Variants in ZC2HC1A observed in about 807,000 individuals in gnomAD.
ZC2HC1A encodes the protein zinc finger C2HC-type containing 1A.
Under a neutral mutation model 40.7 loss-of-function variants are expected in ZC2HC1A, and 28 were observed. That is an observed-to-expected ratio of 0.69 (90% CI 0.51 to 0.94). The LOEUF is 0.94. Ranked by LOEUF, ZC2HC1A falls within the 40% of genes least tolerant of loss-of-function variation. The pLI is 0.00. For missense variants in ZC2HC1A, 389 were observed against 386.3 expected (o/e 1.01, Z -0.06); for synonymous variants, 129 against 129.2 (o/e 1.00, Z 0.01).
chr8:78,691,660 T>C (rs1361778715), intron 5 of ZC2HC1A, among the ~76,000 whole-genome samples: 1 of 152,172 alleles, frequency 6.6e-6, no homozygotes, highest in Non-Finnish European at 1.5e-5. Flanking sequence ...CTTTTCCCTT[T>C]TGTCTTCATA....
chr8:78,686,919 T>C (rs1809997828), intron 4 of ZC2HC1A, among the ~76,000 whole-genome samples: 1 of 152,180 alleles, frequency 6.6e-6, no homozygotes, highest in Non-Finnish European at 1.5e-5. Context: ...CCATGCTCAC[T>C]GCGGATTGAA....
intron 4 of ZC2HC1A, among the ~76,000 whole-genome samples, chr8:78,688,226 T>C (rs1191716558): frequency 6.6e-6 from 1 of 152,066 alleles, no homozygotes; most frequent in Non-Finnish European, 1.5e-5. Flanking sequence ...TTTGAAGATA[T>C]TTAGATATTG....
chr8:78,688,156 T>C (rs1277161190), intron 4 of ZC2HC1A, among the ~76,000 whole-genome samples: 1 of 151,772 alleles, frequency 6.6e-6, no homozygotes, highest in Non-Finnish European at 1.5e-5. Flanking sequence ...CTTTAACTGA[T>C]CCTGGGCCTC....
rs573147398 is a variant in ZC2HC1A at position 78,719,384 on chromosome 8, C to T, written c.*1891C>T. 1.3e-5 allele frequency: 2 copies of T among 151,498 alleles called. No homozygotes were observed. The highest frequency in any genetic ancestry group is 4.8e-5 in the African/African-American group (2 of 41,370). 9.4% of individuals were successfully genotyped at this position (151,498 alleles called of 1,614,324 possible). A position where few individuals can be genotyped will look rare whatever the true frequency, so the allele number is the denominator to read the frequency against. On this transcript the variant is annotated 3_prime_UTR_variant, in exon 9 of 9. Transcript: ENST00000263849. Reference sequence around the variant, plus strand: ...TGAGTTGGTAAGAAATCATCTAGTTCCAGAGCCCAGAGATTATAAACAGTA... The same window carrying T: ...TGAGTTGGTAAGAAATCATCTAGTTTCAGAGCCCAGAGATTATAAACAGTA...
chr8:78,666,896 C>G (rs1215514850), intron 1 of ZC2HC1A, among the ~76,000 whole-genome samples: 1 of 152,178 alleles, frequency 6.6e-6, no homozygotes, highest in African/African-American at 2.4e-5. Flanking sequence ...CCCATTTTAT[C>G]CTGTGTAATG....
intron 7 of ZC2HC1A, among the ~76,000 whole-genome samples, chr8:78,698,991 C>CT (rs1042390141): frequency 1.3e-5 from 2 of 152,112 alleles, no homozygotes; most frequent in African/African-American, 4.8e-5. Flanking sequence ...ACACTGGACT[C>CT]TTTTCACGTT....
intron 2 of ZC2HC1A, among the ~76,000 whole-genome samples, chr8:78,677,716 T>C (rs866055112): frequency 6.6e-6 from 1 of 152,148 alleles, no homozygotes; most frequent in Non-Finnish European, 1.5e-5. Context: ...ACAGGGCAGA[T>C]AAATATTTTA....
chr8:78,681,996 A>G (rs1585987112), intron 3 of ZC2HC1A, among the ~76,000 whole-genome samples: 2 of 143,162 alleles, frequency 1.4e-5, no homozygotes, highest in Admixed American at 1.4e-4. Context: ...TGCCACTTTC[A>G]CCTCCCAAAA....
At chr8:78,712,064 C>T in intron 7 of ZC2HC1A, 1 of 1,289,638 alleles carries the variant, frequency 7.8e-7, no homozygotes, top group Non-Finnish European at 1.0e-6. Context: ...GATACAAAAT[C>T]AGACAGTGCC....
chr8:78,714,924 CTG>C (rs1329486009), intron 7 of ZC2HC1A, among the ~76,000 whole-genome samples: 2 of 152,056 alleles, frequency 1.3e-5, no homozygotes, highest in African/African-American at 2.4e-5. Flanking sequence ...TAAATTTAAA[CTG>C]TTTTTAAAAA....
Position 78,717,480 on chromosome 8 carries a change from G to T in ZC2HC1A, c.965G>T (p.Arg322Ile). The T allele has an allele frequency of 6.5e-7, 1 of 1,536,250 alleles. No homozygotes were observed. The highest frequency in any genetic ancestry group is 8.7e-7 in the Non-Finnish European group (1 of 1,145,806). Residue 322 changes from arginine to isoleucine, a missense_variant, in exon 9 of 9, where the codon AGA becomes ATA. By Grantham distance (97) the Arg-to-Ile change is moderately conservative (BLOSUM62 -3). Transcript: ENST00000263849. ...AKFCCECGIR[R>I]MIL ...TTTTGCTGTGAATGTGGCATTCGAA[G>T]AATGATTCTATGAATAGAATCTCAA...
chr8:78,666,312 G>A (rs900216643), intron 1 of ZC2HC1A, 148 bp downstream of exon 1: 73 of 1,360,150 alleles, frequency 5.4e-5, no homozygotes, highest in Non-Finnish European at 7.0e-5. Flanking sequence ...TGGGGCCGAA[G>A]GGAACCGGAC....
intron 4 of ZC2HC1A, among the ~76,000 whole-genome samples, chr8:78,687,632 CATT>C (rs1468148123): frequency 7.9e-6 from 1 of 126,578 alleles, no homozygotes; most frequent in Non-Finnish European, 1.6e-5. Context: ...TTACGTAATA[CATT>C]ATATATATAT....
intron 4 of ZC2HC1A, among the ~76,000 whole-genome samples, chr8:78,688,230 G>A (rs1005831032): frequency 6.6e-6 from 1 of 151,864 alleles, no homozygotes. Flanking sequence ...AAGATATTTA[G>A]ATATTGTGTC....
chr8:78,687,518 A>G lies in ZC2HC1A; in HGVS notation c.352+910A>G, dbSNP rs553620115. Among the ~76,000 whole-genome samples the G allele has an allele frequency of 1.3e-3, 184 of 144,200 alleles. 1 individual carries two copies. Among genetic ancestry groups the G allele is most frequent in the African/African-American group, 4.4e-3 (175 of 39,896 alleles). 94.6% of individuals were successfully genotyped at this position (144,200 alleles called of 152,430 possible). A position where few individuals can be genotyped will look rare whatever the true frequency, so the allele number is the denominator to read the frequency against. ...TTTATATAATAAATTATATATATTT[A>G]TATAATAAATTATATATTTATATAA... On this transcript the variant is annotated intron_variant, in intron 4 of 8. Coordinates refer to ENST00000263849, the MANE Select transcript of ZC2HC1A (RefSeq NM_016010.3).
rs776875828 is a variant in ZC2HC1A, at chr8:78,678,627, G to A, written c.158G>A (p.Arg53Lys). The A allele has an allele frequency of 4.3e-6, 7 of 1,612,750 alleles. No homozygotes were observed. Among genetic ancestry groups the A allele is most frequent in the Non-Finnish European group, 5.9e-6 (7 of 1,179,334 alleles). Residue 53 changes from arginine to lysine, a missense_variant, in exon 3 of 9, where the codon AGA (arginine) becomes AAA (lysine). Arg to Lys is a conservative substitution (Grantham distance 26). Coordinates refer to ENST00000263849, the MANE Select transcript of ZC2HC1A (RefSeq NM_016010.3). ...TKKRKTFDSSRQRAEGTDIPT... is the reference protein window; with the variant it reads ...TKKRKTFDSSKQRAEGTDIPT... ...AAACGGAAGACTTTTGATTCAAGCA[G>A]ACAGAGAGCTGAAGGAACTGATATT... is the stretch of plus-strand genomic sequence containing the variant.
chr8:78,694,602 A>G (rs1396126258), intron 5 of ZC2HC1A, among the ~76,000 whole-genome samples: 1 of 152,136 alleles, frequency 6.6e-6, no homozygotes, highest in African/African-American at 2.4e-5. Context: ...CTCATTTGAC[A>G]TTCAGTGCTT....
chr8:78,671,848 T>C (rs904754728), intron 1 of ZC2HC1A, among the ~76,000 whole-genome samples: 8 of 152,280 alleles, frequency 5.3e-5, no homozygotes, highest in African/African-American at 1.9e-4. Context: ...ATCATTCTTA[T>C]ATATAAACTT....
At chr8:78,670,544 T>A (rs1015088829) in intron 1 of ZC2HC1A, among the ~76,000 whole-genome samples, 2 of 152,188 alleles carry the variant, frequency 1.3e-5, no homozygotes, top group African/African-American at 2.4e-5. Context: ...AATGTACCAT[T>A]TTCCAAACAT....
Sources: gnomAD v4.1 joint callset for allele counts (sites outside exome capture counted in the v4.1 genomes callset) on GRCh38, gnomAD v4.1.1 for gene constraint, MANE v1.5 for transcripts, NCBI Gene and HGNC (gene_info 2026-07-23, HGNC 2026-07-21) for gene names.